CSMD2: variants seen among roughly 807,000 people sequenced by gnomAD.
CSMD2 encodes CUB and Sushi multiple domains 2, also known as CUB and sushi domain-containing protein 2.
A neutral mutation model predicts 398.5 loss-of-function variants in CSMD2; 130 were observed. The observed-to-expected ratio is 0.33, with a 90% CI of 0.28 to 0.38. CSMD2 has a LOEUF of 0.38. Ranked by LOEUF, CSMD2 falls within the 10% of genes least tolerant of loss-of-function variation. The pLI is 1.00. For synonymous variants in CSMD2, 1,828 were observed against 1,908.5 expected (o/e 0.96, Z 1.10); for missense variants, 3,829 against 4,764.9 (o/e 0.80, Z 5.78).
At chr1:33,664,265 A>C (rs531647765) in intron 25 of CSMD2, among the ~76,000 whole-genome samples, 7 of 152,250 alleles carry the variant, frequency 4.6e-5, no homozygotes, top group Admixed American at 4.6e-4. Context: ...TGAGCACGCA[A>C]ATATATTGTT....
chr1:33,592,264 A>G, intron 44 of CSMD2: 2 of 664,998 alleles, frequency 3.0e-6, no homozygotes, highest in East Asian at 2.7e-5. Flanking sequence ...TCCACATGGA[A>G]AGTAGAAGAG....
chr1:33,928,824 G>T (rs1644214765), intron 4 of CSMD2, among the ~76,000 whole-genome samples: 2 of 152,204 alleles, frequency 1.3e-5, no homozygotes, highest in Admixed American at 1.3e-4. Flanking sequence ...ATAGTGTTTA[G>T]TGCCTTCTCC....
chr1:34,014,560 C>G (rs1886641), intron 3 of CSMD2, among the ~76,000 whole-genome samples: 1 of 152,126 alleles, frequency 6.6e-6, no homozygotes, highest in African/African-American at 2.4e-5. Context: ...AATCCACAGT[C>G]GCTCTAGTGT....
intron 1 of CSMD2, among the ~76,000 whole-genome samples, chr1:34,135,619 A>T (rs1272098683): frequency 0.031 from 74 of 2,380 alleles, 2 homozygotes; most frequent in Non-Finnish European, 0.17. Context: ...TCCATCTCAA[A>T]AAAAAAAAAA....
At chr1:33,666,412 G>C (rs1644318258) in intron 25 of CSMD2, among the ~76,000 whole-genome samples, 1 of 151,966 alleles carries the variant, frequency 6.6e-6, no homozygotes, top group South Asian at 2.1e-4. Context: ...CTTTGTTATG[G>C]TTTTCTTCTT....
At chr1:33,981,105 A>C (rs1045094933) in intron 3 of CSMD2, among the ~76,000 whole-genome samples, 2 of 152,164 alleles carry the variant, frequency 1.3e-5, no homozygotes, top group Non-Finnish European at 2.9e-5. Context: ...AAGTGCAGGG[A>C]CCCAGTATTG....
At chr1:33,748,771 C>T (rs1647757495) in intron 13 of CSMD2, among the ~76,000 whole-genome samples, 1 of 152,042 alleles carries the variant, frequency 6.6e-6, no homozygotes, top group Non-Finnish European at 1.5e-5. Flanking sequence ...AAATCAAGAT[C>T]AAGATAAAAA....
chr1:34,084,818 G>A (rs1461913957), intron 2 of CSMD2, among the ~76,000 whole-genome samples: 2 of 152,074 alleles, frequency 1.3e-5, no homozygotes, highest in African/African-American at 4.8e-5. Flanking sequence ...GGAAGTCAGT[G>A]TGGCGATTCC....
intron 68 of CSMD2, 109 bp downstream of exon 68, chr1:33,521,354 C>T: frequency 1.3e-6 from 1 of 762,984 alleles, no homozygotes; most frequent in South Asian, 1.5e-5. Flanking sequence ...GGCCAAAGCA[C>T]CCCCGCCTCA....
intron 55 of CSMD2, among the ~76,000 whole-genome samples, chr1:33,554,278 C>T (rs1331941536): frequency 6.7e-6 from 1 of 149,780 alleles, no homozygotes; most frequent in Non-Finnish European, 1.5e-5. Context: ...GCAACCTCCT[C>T]CACCTCCCAG....
intron 46 of CSMD2, 67 bp from the exon 47 acceptor site, chr1:33,583,897 C>T: frequency 2.9e-6 from 4 of 1,403,152 alleles, no homozygotes; most frequent in South Asian, 1.2e-5. Flanking sequence ...AATACATTTG[C>T]TTTTCCCAAT....
chr1:34,111,037 C>G (rs914566274), intron 1 of CSMD2, among the ~76,000 whole-genome samples: 2 of 152,130 alleles, frequency 1.3e-5, no homozygotes, highest in Non-Finnish European at 2.9e-5. Flanking sequence ...ATGTAATTTA[C>G]TTATATATTG....
At chr1:33,956,320 A>G (rs1483662539) in intron 3 of CSMD2, among the ~76,000 whole-genome samples, 1 of 151,058 alleles carries the variant, frequency 6.6e-6, no homozygotes, top group Non-Finnish European at 1.5e-5. Context: ...ATAACACTCC[A>G]TTTCCCCCTC....
chr1:33,981,368 A>G (rs1646160970), intron 3 of CSMD2, among the ~76,000 whole-genome samples: 1 of 152,164 alleles, frequency 6.6e-6, no homozygotes, highest in Non-Finnish European at 1.5e-5. Context: ...AGCTGTGTGC[A>G]GTTGCCATCC....
rs138376868 is a variant in CSMD2, at chr1:34,106,325, C to T, written c.188-17132G>A. On this transcript the variant is annotated intron_variant, in intron 1 of 70. Transcript: ENST00000373381. ...CAAGTCTGAGAAGGGGCCAACATTT[C>T]TGTGGTTCACTAACATTATCTCTCT... 1.6e-3 allele frequency among the ~76,000 whole-genome samples: 245 copies of T among 152,298 alleles called. 1 individual carries two copies. The highest frequency in any genetic ancestry group is 2.7e-3 in the Non-Finnish European group (186 of 68,026).
At chr1:33,773,540 A>C (rs1651563034) in intron 12 of CSMD2, among the ~76,000 whole-genome samples, 1 of 152,202 alleles carries the variant, frequency 6.6e-6, no homozygotes, top group African/African-American at 2.4e-5. Context: ...GTCAGGATCC[A>C]GATGCTTCTG....
At chr1:34,060,497 T>C (rs1246003959) in intron 2 of CSMD2, among the ~76,000 whole-genome samples, 1 of 152,160 alleles carries the variant, frequency 6.6e-6, no homozygotes, top group African/African-American at 2.4e-5. Context: ...GACAGGCAAC[T>C]GCGGCAGCCT....
intron 11 of CSMD2, 48 bp downstream of exon 11, chr1:33,792,375 C>A (rs759631738): frequency 1.4e-6 from 2 of 1,398,500 alleles, no homozygotes; most frequent in Non-Finnish European, 2.0e-6. Flanking sequence ...ACCCCACCAA[C>A]CCCAGCCACC....
At chr1:33,629,714 T>C (rs1219423476) in intron 32 of CSMD2, among the ~76,000 whole-genome samples, 1 of 151,782 alleles carries the variant, frequency 6.6e-6, no homozygotes, top group East Asian at 1.9e-4. Flanking sequence ...TAAGGGACTC[T>C]CTGAATATAC....
Sources: allele counts gnomAD v4.1 joint callset (sites outside exome capture counted in the v4.1 genomes callset), GRCh38; gene constraint gnomAD v4.1.1; transcripts MANE v1.5; gene names NCBI Gene and HGNC (gene_info 2026-07-23, HGNC 2026-07-21).